CNTN1: variants seen among roughly 807,000 people sequenced by gnomAD.
CNTN1 encodes contactin 1, also known as contactin-1.
A neutral mutation model predicts 126.4 loss-of-function variants in CNTN1; 38 were observed. That is an observed-to-expected ratio of 0.30 (90% CI 0.23 to 0.39). The LOEUF (loss-of-function observed/expected upper bound fraction) is 0.39. Ranked by LOEUF, CNTN1 falls within the 10% of genes least tolerant of loss-of-function variation. CNTN1 has a pLI of 1.00. For missense variants in CNTN1, 1,009 were observed against 1,248.4 expected, an observed-to-expected ratio of 0.81 and a Z score of 2.89; for synonymous variants, 413 against 422.6, an observed-to-expected ratio of 0.98 and a Z score of 0.28.
intron 1 of CNTN1, among the ~76,000 whole-genome samples, chr12:40,901,375 C>T (rs560323696): frequency 1.3e-5 from 2 of 152,174 alleles, no homozygotes; most frequent in Admixed American, 1.3e-4. Context: ...CCACTTAACA[C>T]CATTTGGGGT....
At chr12:40,943,916 T>C in intron 13 of CNTN1, 79 bp from the exon 14 acceptor site, 1 of 1,410,952 alleles carries the variant, frequency 7.1e-7, no homozygotes, top group South Asian at 1.2e-5. Flanking sequence ...TAAAAATATA[T>C]TGGTTATTAT....
chr12:40,785,242 A>G (rs943595883), intron 1 of CNTN1, among the ~76,000 whole-genome samples: 1 of 152,140 alleles, frequency 6.6e-6, no homozygotes, highest in Admixed American at 6.6e-5. Context: ...TAAAGAAAAG[A>G]GGTTTAATTG....
chr12:40,940,821 T>C (rs527961466), intron 12 of CNTN1, among the ~76,000 whole-genome samples: 9 of 152,252 alleles, frequency 5.9e-5, no homozygotes, highest in Non-Finnish European at 1.2e-4. Context: ...ACAAGAAGGG[T>C]TAAAGGAAAA....
At chr12:40,761,445 T>A (rs987066347) in intron 1 of CNTN1, among the ~76,000 whole-genome samples, 1 of 152,128 alleles carries the variant, frequency 6.6e-6, no homozygotes, top group Non-Finnish European at 1.5e-5. Context: ...TTGAAAAGTT[T>A]TAGTAAACTA....
At chr12:40,852,578 T>C (rs1358586629) in intron 1 of CNTN1, among the ~76,000 whole-genome samples, 1 of 152,140 alleles carries the variant, frequency 6.6e-6, no homozygotes, top group Non-Finnish European at 1.5e-5. Context: ...GGCACATTTT[T>C]CCCACTACTA....
chr12:40,947,478 A>C (rs554561632), intron 14 of CNTN1, among the ~76,000 whole-genome samples: 1 of 152,188 alleles, frequency 6.6e-6, no homozygotes, highest in East Asian at 1.9e-4. Context: ...CCTTGGAGTA[A>C]ATACAAAAGG....
intron 1 of CNTN1, among the ~76,000 whole-genome samples, chr12:40,819,103 T>C (rs1000569564): frequency 7.9e-5 from 12 of 152,176 alleles, no homozygotes; most frequent in Middle Eastern, 3.2e-3. Context: ...CTGATGTTAG[T>C]AGGATCGCTC....
chr12:40,742,613 C>G (rs1937992217), intron 1 of CNTN1: 1 of 151,508 alleles, frequency 6.6e-6, no homozygotes, highest in South Asian at 2.1e-4. Flanking sequence ...GATCATAGCT[C>G]ACTGCAGCCT....
At chr12:40,800,215 A>G (rs918421357) in intron 1 of CNTN1, among the ~76,000 whole-genome samples, 20 of 151,850 alleles carry the variant, frequency 1.3e-4, no homozygotes, top group Admixed American at 1.2e-3. Flanking sequence ...AGTGTCTGGC[A>G]TTTCCTCTGC....
chr12:40,872,618 T>C (rs1943542860), intron 1 of CNTN1, among the ~76,000 whole-genome samples: 1 of 138,472 alleles, frequency 7.2e-6, no homozygotes, highest in Admixed American at 8.0e-5. Flanking sequence ...TCACCCAGGC[T>C]GGAGTGTAGT....
intron 1 of CNTN1, among the ~76,000 whole-genome samples, chr12:40,728,025 A>G (rs1327481356): frequency 1.3e-5 from 2 of 152,184 alleles, no homozygotes; most frequent in Non-Finnish European, 2.9e-5. Flanking sequence ...AGGCCAGGAC[A>G]GTTTCCCAGA....
chr12:40,959,144 A>T lies in CNTN1; in HGVS notation c.1714A>T (p.Asn572Tyr). 4.3e-6 allele frequency: 7 copies of T among 1,612,682 alleles called. No homozygotes were observed. The highest frequency in any genetic ancestry group is 5.9e-6 in the Non-Finnish European group (7 of 1,179,124). ...LDSNGELLIRNAQLKHAGRYT... is the reference protein window; with the variant it reads ...LDSNGELLIRYAQLKHAGRYT... ...TTCCAATGGGGAATTACTAATCCGA[A>T]ATGCGCAGCTGAAACATGCTGGAAG... The change falls in exon 15 of 24, where the codon AAT becomes TAT. Residue 572 changes from asparagine to tyrosine, a missense_variant. Transcript: ENST00000551295.
At chr12:40,695,726 C>T (rs532796705) in intron 1 of CNTN1, among the ~76,000 whole-genome samples, 1 of 152,198 alleles carries the variant, frequency 6.6e-6, no homozygotes, top group African/African-American at 2.4e-5. Flanking sequence ...AATTTTGCTC[C>T]TTGACACCAC....
chr12:41,017,880 T>C (rs1033476290), intron 19 of CNTN1, among the ~76,000 whole-genome samples: 26 of 151,910 alleles, frequency 1.7e-4, no homozygotes, highest in Non-Finnish European at 3.2e-4. Context: ...TCACCTGAGG[T>C]TGGGAGTTCG....
At chr12:40,953,594 C>T (rs955486367) in intron 14 of CNTN1, among the ~76,000 whole-genome samples, 2 of 152,074 alleles carry the variant, frequency 1.3e-5, no homozygotes, top group Admixed American at 1.3e-4. Context: ...ATTACAGTTG[C>T]TTCTTACTGC....
At chr12:40,829,885 G>A (rs973236641) in intron 1 of CNTN1, among the ~76,000 whole-genome samples, 1 of 151,946 alleles carries the variant, frequency 6.6e-6, no homozygotes, top group Non-Finnish European at 1.5e-5. Flanking sequence ...GAATGGAGGG[G>A]GGCAGAAACT....
At chr12:40,828,319 T>C (rs1941686530) in intron 1 of CNTN1, 1 of 152,280 alleles carries the variant, frequency 6.6e-6, no homozygotes, top group East Asian at 1.9e-4. Flanking sequence ...CAAGGTTTTT[T>C]TTATAGGTTA....
chr12:40,886,468 C>A lies in CNTN1; in HGVS notation c.-76-21889C>A, dbSNP rs142758979. On this transcript the variant is annotated intron_variant, in intron 1 of 23. Coordinates refer to ENST00000551295, the MANE Select transcript of CNTN1 (RefSeq NM_001843.4). ...TTTTATCGTAGATTCTGGATATTAGCCCTTTGTCAGAGGAGTAGGTTGCAA... is the reference window on the plus strand; with the variant it reads ...TTTTATCGTAGATTCTGGATATTAGACCTTTGTCAGAGGAGTAGGTTGCAA... Among the ~76,000 whole-genome samples the A allele has an allele frequency of 8.9e-3, 1,355 of 152,180 alleles. 17 individuals are homozygous for A. Among genetic ancestry groups the A allele is most frequent in the African/African-American group, 0.031 (1,283 of 41,522 alleles).
At chr12:40,852,309 T>C (rs1942749573) in intron 1 of CNTN1, among the ~76,000 whole-genome samples, 1 of 152,170 alleles carries the variant, frequency 6.6e-6, no homozygotes, top group Non-Finnish European at 1.5e-5. Context: ...ATGAAAGCCA[T>C]TTTTCTTCTT....
Sources: gnomAD v4.1 joint callset for allele counts (sites outside exome capture counted in the v4.1 genomes callset) on GRCh38, gnomAD v4.1.1 for gene constraint, MANE v1.5 for transcripts, NCBI Gene and HGNC (gene_info 2026-07-23, HGNC 2026-07-21) for gene names.